BCAS3: variants seen among roughly 807,000 people sequenced by gnomAD.
The protein encoded by BCAS3 is BCAS4/BCAS3 fusion.
In BCAS3, 53 loss-of-function variants were observed where a neutral mutation model predicts 116.1. The ratio of observed to expected loss-of-function variants is 0.46; its 90% confidence interval spans 0.37 to 0.57. The LOEUF (loss-of-function observed/expected upper bound fraction) is 0.57. BCAS3 is among the 20% of genes least tolerant of loss of function. BCAS3 has a pLI of 0.00. For synonymous variants in BCAS3, 391 were observed against 408.2 expected, an observed-to-expected ratio of 0.96 and a Z score of 0.51; for missense variants, 917 against 1,165.4, an observed-to-expected ratio of 0.79 and a Z score of 3.10.
chr17:61,165,076 G>A (rs1213772570), intron 22 of BCAS3, among the ~76,000 whole-genome samples: 1 of 152,236 alleles, frequency 6.6e-6, no homozygotes, highest in Non-Finnish European at 1.5e-5. Context: ...CTGCCTGGGA[G>A]AAGGCAAGCA....
At chr17:61,267,096 C>G (rs542054137) in intron 22 of BCAS3, among the ~76,000 whole-genome samples, 28 of 152,274 alleles carry the variant, frequency 1.8e-4, no homozygotes, top group Non-Finnish European at 3.1e-4. Flanking sequence ...CTCGCTCTGT[C>G]GCCCAGGCTG....
rs1248874359 is a variant in BCAS3 at position 61,014,656 on chromosome 17, A to T, written c.1487-1095A>T. Among the ~76,000 whole-genome samples the T allele has an allele frequency of 2.0e-5, 3 of 152,078 alleles. No individual in the cohort carries two copies. In the East Asian group the frequency reaches 5.8e-4, roughly 29 times the overall value. On this transcript the variant is annotated intron_variant, in intron 15 of 23. Coordinates refer to ENST00000407086, the MANE Select transcript of BCAS3 (RefSeq NM_017679.5). ...TAGGTAGGTCAGTGAGGAGGAAAAA[A>T]AAAAAGGGCATCTAGACTGGAAAGG... is the stretch of plus-strand genomic sequence containing the variant.
rs1156482497 is a variant in BCAS3 at position 61,145,925 on chromosome 17, C to T, written c.2425+61361C>T. Among the ~76,000 whole-genome samples, 4 of 151,902 alleles carry T rather than the reference C, an allele frequency of 2.6e-5. No homozygotes were observed. The highest frequency in any genetic ancestry group is 5.9e-5 in the Non-Finnish European group (4 of 68,006). On this transcript the variant is annotated intron_variant, in intron 22 of 23. Transcript: ENST00000407086. The surrounding 1 kb of genome is among the most constrained non-coding windows in gnomAD (Gnocchi z 5.0). ...TTGTTTGCAGAGACTGCCAAACCTT[C>T]CATTGCCGCTTCCAAGATACTCCTG...
At chr17:61,003,093 T>C (rs1342430594) in intron 15 of BCAS3, among the ~76,000 whole-genome samples, 1 of 151,952 alleles carries the variant, frequency 6.6e-6, no homozygotes, top group African/African-American at 2.4e-5. Flanking sequence ...TTGGTTTTTT[T>C]TGGGCCCTTT....
chr17:60,853,281 TCTC>T (rs1269351420), intron 7 of BCAS3, among the ~76,000 whole-genome samples: 11 of 152,362 alleles, frequency 7.2e-5, no homozygotes, highest in African/African-American at 2.4e-4. Context: ...TTTGATTAGT[TCTC>T]CTTTTATTCA....
chr17:60,892,639 G>A (rs373725313), intron 10 of BCAS3, among the ~76,000 whole-genome samples: 1 of 151,528 alleles, frequency 6.6e-6, no homozygotes, highest in Non-Finnish European at 1.5e-5. Flanking sequence ...AGCCGTTTTC[G>A]GCCCGGCATG....
rs1472934645 is a variant in BCAS3 at position 61,233,421 on chromosome 17, G to A, written c.2426-134906G>A. On this transcript the variant is annotated intron_variant, in intron 22 of 23. Transcript: ENST00000407086. The surrounding 1 kb of genome is among the most constrained non-coding windows in gnomAD (Gnocchi z 4.3). ...TCAACTAAGCTTGTATTGGTTCATC[G>A]TCCAGATCTAAAAATGATTGTTAAT... 6.6e-6 allele frequency among the ~76,000 whole-genome samples: 1 copy of A among 152,164 alleles called. No homozygotes were observed. The highest frequency in any genetic ancestry group is 1.5e-5 in the Non-Finnish European group (1 of 68,022).
At chr17:61,075,171 C>A in intron 20 of BCAS3, 151 bp downstream of exon 20, 1 of 610,286 alleles carries the variant, frequency 1.6e-6, no homozygotes, top group Non-Finnish European at 2.8e-6. Flanking sequence ...AATTACTCCA[C>A]AAATATTGCT....
chr17:60,911,123 C>CTTT (rs1162942971), intron 12 of BCAS3, among the ~76,000 whole-genome samples: 5 of 88,254 alleles, frequency 5.7e-5, no homozygotes, highest in African/African-American at 9.0e-5. Context: ...TTTTTTCTTT[C>CTTT]TTTTTTTTTT....
chr17:61,366,256 T>A lies in BCAS3; in HGVS notation c.2426-2071T>A, dbSNP rs529651973. Among the ~76,000 whole-genome samples, 1 of 152,158 alleles carries A rather than the reference T, an allele frequency of 6.6e-6. No individual in the cohort carries two copies. Among genetic ancestry groups the A allele is most frequent in the Non-Finnish European group, 1.5e-5 (1 of 68,028 alleles). On this transcript the variant is annotated intron_variant, in intron 22 of 23. Coordinates refer to ENST00000407086, the MANE Select transcript of BCAS3 (RefSeq NM_017679.5). This position sits in a 1 kb window ranked among gnomAD's most constrained non-coding sequence, Gnocchi z 4.5. ...CAGAGAAACGATGATGCTTTAGCACTGTAGCACTAGATCTTGTCAAATAAG... is the reference window on the plus strand; with the variant it reads ...CAGAGAAACGATGATGCTTTAGCACAGTAGCACTAGATCTTGTCAAATAAG...
chr17:61,193,412 A>G (rs1194719037), intron 22 of BCAS3, among the ~76,000 whole-genome samples: 1 of 152,224 alleles, frequency 6.6e-6, no homozygotes, highest in Non-Finnish European at 1.5e-5. Flanking sequence ...ATAAGATAGT[A>G]GAAATAAGCC....
intron 11 of BCAS3, among the ~76,000 whole-genome samples, chr17:60,905,516 T>C (rs1234547838): frequency 1.3e-5 from 2 of 152,240 alleles, no homozygotes; most frequent in African/African-American, 2.4e-5. Context: ...CTGGTCATAC[T>C]GAAGTCTGTT....
chr17:60,909,174 C>G (rs1264478847), intron 11 of BCAS3, among the ~76,000 whole-genome samples: 1 of 152,134 alleles, frequency 6.6e-6, no homozygotes. Context: ...AACATAGCTA[C>G]CATAAAATAA....
chr17:61,297,115 G>A (rs2052991308), intron 22 of BCAS3, among the ~76,000 whole-genome samples: 1 of 152,182 alleles, frequency 6.6e-6, no homozygotes, highest in Non-Finnish European at 1.5e-5. Flanking sequence ...CGTAAGGTAG[G>A]GATAGGAGGA....
chr17:60,876,514 CTGTT>C (rs1854324724), intron 9 of BCAS3, among the ~76,000 whole-genome samples: 1 of 152,086 alleles, frequency 6.6e-6, no homozygotes, highest in African/African-American at 2.4e-5. Context: ...TTCCCACTGT[CTGTT>C]TGTAGAACAT....
intron 13 of BCAS3, among the ~76,000 whole-genome samples, chr17:60,932,885 C>T (rs1373525033): frequency 6.6e-6 from 1 of 151,112 alleles, no homozygotes; most frequent in Non-Finnish European, 1.5e-5. Context: ...TTTAAAATAC[C>T]CCATGGAGGC....
At chr17:60,722,053 T>C (rs927574117) in intron 5 of BCAS3, among the ~76,000 whole-genome samples, 3 of 152,214 alleles carry the variant, frequency 2.0e-5, no homozygotes, top group African/African-American at 7.2e-5. Flanking sequence ...AATTTTGCTG[T>C]GTTGTATCTA....
At position 61,020,718 on chromosome 17, in the gene BCAS3, A is replaced by C. The variant is rs540156882; in HGVS notation, c.1637+4817A>C. Among the ~76,000 whole-genome samples, 97 of 152,310 alleles carry C rather than the reference A, an allele frequency of 6.4e-4. 1 individual carries two copies. The highest frequency in any genetic ancestry group is 1.2e-3 in the Non-Finnish European group (83 of 68,018). ...TTTGGCATTATCAAGTGAGTGATCA[A>C]GTTTTAAAAAATATTTTCTATGTAA... On this transcript the variant is annotated intron_variant, in intron 16 of 23. Transcript: ENST00000407086. The surrounding 1 kb of genome is among the most constrained non-coding windows in gnomAD (Gnocchi z 4.5).
rs1386942973 is a variant in BCAS3, at chr17:61,276,666, C to CT, written c.2426-91660dup. On this transcript the variant is annotated intron_variant, in intron 22 of 23. Transcript: ENST00000407086. The surrounding 1 kb of genome is among the most constrained non-coding windows in gnomAD (Gnocchi z 4.2). ...ATCAAAATGATCTCTATCAAAATCT[C>CT]TATCAAATAAGCTGACTTATTTGCA... Among the ~76,000 whole-genome samples, 2 of 152,142 alleles carry CT rather than the reference C, an allele frequency of 1.3e-5. No individual in the cohort carries two copies. Among genetic ancestry groups the CT allele is most frequent in the African/African-American group, 2.4e-5 (1 of 41,450 alleles).
Sources: allele counts gnomAD v4.1 joint callset (sites outside exome capture counted in the v4.1 genomes callset), GRCh38; gene constraint gnomAD v4.1.1; non-coding constraint Gnocchi (gnomAD v3.1); transcripts MANE v1.5; gene names NCBI Gene and HGNC (gene_info 2026-07-23, HGNC 2026-07-21).